The following NDUFAF6 variants were observed in gnomAD, a reference collection of about 807,000 sequenced individuals.
The protein encoded by NDUFAF6 is NADH:ubiquinone oxidoreductase complex assembly factor 6, also known as NADH dehydrogenase (ubiquinone) complex I, assembly factor 6.
Under a neutral mutation model 40.8 loss-of-function variants are expected in NDUFAF6, and 45 were observed. The ratio of observed to expected loss-of-function variants is 1.10; its 90% CI spans 0.87 to 1.42. The LOEUF (loss-of-function observed/expected upper bound fraction) is 1.42, where lower values mean the gene tolerates loss of function less well. Ranked by LOEUF, NDUFAF6 falls within the 40% of genes most tolerant of loss-of-function variation. The probability of loss-of-function intolerance (pLI) is 0.00; values close to 1 mark genes in which losing one functional copy is unlikely to be tolerated. For missense variants in NDUFAF6, 435 were observed against 418.5 expected (o/e 1.04, Z -0.34); for synonymous variants, 185 against 155.9 (o/e 1.19, Z -1.39).
chr8:95,105,424 A>T (rs1809810951), downstream of NDUFAF6, among the ~76,000 whole-genome samples: 1 of 151,528 alleles, frequency 6.6e-6, no homozygotes, highest in African/African-American at 2.4e-5. Context: ...CAGTGGTGCA[A>T]TCATGGCTCA....
intron 9 of NDUFAF6, chr8:95,067,023 A>C (rs1832721107): frequency 1.3e-5 from 2 of 152,228 alleles, no homozygotes; most frequent in African/African-American, 4.8e-5. Context: ...CCATTCAAAG[A>C]AATTTTCAAG....
At chr8:95,052,438 A>G (rs1011974033) in intron 8 of NDUFAF6, among the ~76,000 whole-genome samples, 8 of 152,146 alleles carry the variant, frequency 5.3e-5, no homozygotes, top group Admixed American at 1.3e-4. Flanking sequence ...AGTTTTTAGC[A>G]CGGACTTTGC....
intron 7 of NDUFAF6, among the ~76,000 whole-genome samples, chr8:95,050,271 C>T (rs1018562195): frequency 6.6e-6 from 1 of 152,148 alleles, no homozygotes. Context: ...TTAAAATTTC[C>T]AAATGATTTT....
chr8:95,016,717 G>T (rs562653671), intron 2 of NDUFAF6, among the ~76,000 whole-genome samples: 17 of 152,232 alleles, frequency 1.1e-4, no homozygotes, highest in Middle Eastern at 3.4e-3. Flanking sequence ...ACTCCAGCCT[G>T]GCGACAGAGA....
chr8:95,071,252 G>T (rs1395645040), intron 9 of NDUFAF6, among the ~76,000 whole-genome samples: 1 of 148,382 alleles, frequency 6.7e-6, no homozygotes, highest in Non-Finnish European at 1.5e-5. Context: ...AAAAAAATTA[G>T]CCGGGCATTG....
downstream of NDUFAF6, among the ~76,000 whole-genome samples, chr8:95,062,976 G>A (rs1295843981): frequency 6.6e-6 from 1 of 152,196 alleles, no homozygotes; most frequent in African/African-American, 2.4e-5. Context: ...TGTCAAAGCT[G>A]TGGTGTCTGG....
chr8:94,911,099 A>C (rs1818751213), intron 1 of NDUFAF6, among the ~76,000 whole-genome samples: 1 of 152,236 alleles, frequency 6.6e-6, no homozygotes, highest in Admixed American at 6.5e-5. Context: ...ATGCCACCTC[A>C]GCTATTAAAA....
chr8:94,950,369 G>A (rs1024392387), intron 2 of NDUFAF6: 1 of 152,320 alleles, frequency 6.6e-6, no homozygotes, highest in African/African-American at 2.4e-5. Context: ...GGTGAGTAAC[G>A]TTGATGCCTA....
intron 1 of NDUFAF6, among the ~76,000 whole-genome samples, chr8:94,925,191 C>T (rs562976440): frequency 6.6e-6 from 1 of 152,346 alleles, no homozygotes; most frequent in African/African-American, 2.4e-5. Context: ...TTTAAATAAG[C>T]TACAGTTGTA....
chr8:94,976,930 C>T (rs969520005), intron 1 of NDUFAF6, among the ~76,000 whole-genome samples: 3 of 151,910 alleles, frequency 2.0e-5, no homozygotes, highest in Non-Finnish European at 4.4e-5. Context: ...TCAGGCGGAT[C>T]GCTTGAGTCC....
intron 1 of NDUFAF6, among the ~76,000 whole-genome samples, chr8:94,977,581 A>G (rs1825072631): frequency 8.1e-6 from 1 of 123,590 alleles, no homozygotes; most frequent in Middle Eastern, 4.2e-3. Context: ...AAGAAGGGGC[A>G]TAAGCACCCT....
rs751741899 is a variant in NDUFAF6, at chr8:95,035,468, C to G, written c.312C>G (p.Val104=). 6.2e-6 allele frequency: 10 copies of G among 1,613,446 alleles called. No homozygotes were observed. The highest frequency in any genetic ancestry group is 8.5e-6 in the Non-Finnish European group (10 of 1,179,838). ...CCTGTTTATAGGTTAAAGACTCAGT[C>G]TCTGAGAAAACAATTGGACTGATGC... is the stretch of plus-strand genomic sequence containing the variant. The part of the protein sequence containing the change: ...NVELAQVKDS[V]SEKTIGLMRM... Residue 104 remains valine, a synonymous_variant, in exon 3 of 9, where the codon GTC becomes GTG. Transcript: ENST00000396124.
At chr8:95,085,001 T>C (rs1018435788) in intron 2 of NDUFAF6, among the ~76,000 whole-genome samples, 2 of 152,210 alleles carry the variant, frequency 1.3e-5, no homozygotes, top group African/African-American at 4.8e-5. Flanking sequence ...TCACACTCAA[T>C]AGAGGCATAA....
intron 1 of NDUFAF6, among the ~76,000 whole-genome samples, chr8:94,902,171 C>G (rs1198846268): frequency 6.6e-6 from 1 of 152,108 alleles, no homozygotes; most frequent in Non-Finnish European, 1.5e-5. Context: ...GTAATACCAG[C>G]ACTTTGAGAG....
chr8:95,022,822 C>A (rs1407241587), upstream of NDUFAF6, among the ~76,000 whole-genome samples: 1 of 151,930 alleles, frequency 6.6e-6, no homozygotes. Flanking sequence ...AAACTAAAAC[C>A]TAACTGAGGA....
At chr8:95,059,461 A>G (rs564763090), downstream of NDUFAF6, among the ~76,000 whole-genome samples, 56 of 152,324 alleles carry the variant, frequency 3.7e-4, no homozygotes, top group South Asian at 0.011. Context: ...TGTATATGCT[A>G]GTAGACTCTT....
At chr8:94,922,876 A>G (rs900183744) in intron 1 of NDUFAF6, among the ~76,000 whole-genome samples, 3 of 152,206 alleles carry the variant, frequency 2.0e-5, no homozygotes, top group South Asian at 2.1e-4. Context: ...AAGGAATCGT[A>G]TAGAGAATTG....
chr8:95,103,752 G>T (rs1369280703), downstream of NDUFAF6, among the ~76,000 whole-genome samples: 1 of 152,208 alleles, frequency 6.6e-6, no homozygotes, highest in Non-Finnish European at 1.5e-5. Flanking sequence ...TGGTTCTTTT[G>T]TCTGAACTCC....
rs75710698 is a variant in NDUFAF6 at position 94,935,766 on chromosome 8, T to C, written c.-935-9717T>C. 7.4e-3 allele frequency among the ~76,000 whole-genome samples: 1,126 copies of C among 152,300 alleles called. 5 individuals are homozygous for C. Among genetic ancestry groups the C allele is most frequent in the African/African-American group, 0.026 (1,072 of 41,556 alleles). On this transcript the variant is annotated intron_variant, in intron 1 of 14. Coordinates refer to the NDUFAF6 transcript ENST00000396113. ...GAGAACATAAAAATGCAAGGGTTGATAGAATTATGAAAGTTAGGATGTTTA... is the reference window on the plus strand; with the variant it reads ...GAGAACATAAAAATGCAAGGGTTGACAGAATTATGAAAGTTAGGATGTTTA...
Sources: gnomAD v4.1 joint callset for allele counts (sites outside exome capture counted in the v4.1 genomes callset) on GRCh38, gnomAD v4.1.1 for gene constraint, MANE v1.5 for transcripts, NCBI Gene and HGNC (gene_info 2026-07-23, HGNC 2026-07-21) for gene names.